EPS15: variants seen among roughly 807,000 people sequenced by gnomAD.
The protein encoded by EPS15 is epidermal growth factor receptor substrate 15.
In EPS15, 72 loss-of-function variants were observed where a neutral mutation model predicts 113.8. The observed-to-expected ratio is 0.63, with a 90% CI of 0.52 to 0.77. The LOEUF (loss-of-function observed/expected upper bound fraction) is 0.77, where lower values mean the gene tolerates loss of function less well. Ranked by LOEUF, EPS15 falls within the 30% of genes least tolerant of loss-of-function variation. The pLI, the probability that EPS15 is intolerant of heterozygous loss-of-function variation, is 0.00. For missense variants in EPS15, 1,048 were observed against 1,045.8 expected (o/e 1.00, Z -0.03); for synonymous variants, 344 against 363.4 (o/e 0.95, Z 0.61).
intron 13 of EPS15, among the ~76,000 whole-genome samples, chr1:51,412,125 C>G (rs866126668): frequency 7.2e-5 from 11 of 152,214 alleles, no homozygotes; most frequent in African/African-American, 2.7e-4. Context: ...CCAAACACCA[C>G]ATGTTCTCAC....
Position 51,366,003 on chromosome 1 carries a change from C to CA in EPS15, c.2145dup (p.Gly716TrpfsTer3). On this transcript the variant is annotated frameshift_variant, in exon 22 of 25. Coordinates refer to ENST00000371733, the MANE Select transcript of EPS15 (RefSeq NM_001981.3). LOFTEE classifies it high-confidence loss of function. ...AATCCACCTCCAAATGATTCATTCC[C>CA]AAAAACAGAAGCAAAGGGGTCTGTG... 1.2e-6 allele frequency: 2 copies of CA among 1,612,530 alleles called. No homozygotes were observed. Among genetic ancestry groups the CA allele is most frequent in the Non-Finnish European group, 1.7e-6 (2 of 1,179,148 alleles).
intron 13 of EPS15, among the ~76,000 whole-genome samples, chr1:51,418,042 G>C (rs953822773): frequency 1.3e-5 from 2 of 152,126 alleles, no homozygotes; most frequent in African/African-American, 4.8e-5. Flanking sequence ...TTAGATATTA[G>C]GCGATACAGG....
intron 1 of EPS15, among the ~76,000 whole-genome samples, chr1:51,486,041 A>T: frequency 6.6e-6 from 1 of 151,654 alleles, no homozygotes; most frequent in East Asian, 2.0e-4. Flanking sequence ...CAGGTGATCC[A>T]CCCACCTCAG....
chr1:51,389,240 C>T (rs1254043488), intron 21 of EPS15, among the ~76,000 whole-genome samples: 1 of 152,120 alleles, frequency 6.6e-6, no homozygotes, highest in African/African-American at 2.4e-5. Flanking sequence ...TCAATAGATG[C>T]AGAAAAGGCC....
chr1:51,468,839 T>C (rs575101987), intron 4 of EPS15, among the ~76,000 whole-genome samples: 17 of 152,066 alleles, frequency 1.1e-4, no homozygotes, highest in Non-Finnish European at 2.1e-4. Context: ...TTTAAAATAA[T>C]ACTTAGGGCC....
rs575734758 is a variant in EPS15, at chr1:51,469,298, G to A, written c.214-730C>T. On this transcript the variant is annotated intron_variant, in intron 4 of 24. Transcript: ENST00000371733. ...TGTGAGATTATAAATTTTGAAACTG[G>A]AACAGTAATTCAAATGACTTAATGA... Among the ~76,000 whole-genome samples, 6 of 152,096 alleles carry A rather than the reference G, an allele frequency of 3.9e-5. No individual in the cohort carries two copies. The South Asian group carries it at 1.0e-3, about 26-fold the overall frequency.
chr1:51,471,591 A>G (rs999653626), intron 4 of EPS15, 99 bp downstream of exon 4: 2 of 968,522 alleles, frequency 2.1e-6, no homozygotes, highest in African/African-American at 3.3e-5. Context: ...TAATGTTGGT[A>G]AAAACCAATT....
chr1:51,444,781 T>C (rs888990805), intron 11 of EPS15, 108 bp downstream of exon 11: 6 of 1,125,960 alleles, frequency 5.3e-6, no homozygotes, highest in Non-Finnish European at 7.7e-6. Context: ...GTTCTGCTCT[T>C]AGCCAGATAC....
intron 8 of EPS15, among the ~76,000 whole-genome samples, chr1:51,460,639 A>C (rs182182889): frequency 6.6e-6 from 1 of 152,020 alleles, no homozygotes; most frequent in African/African-American, 2.4e-5. Flanking sequence ...TGTTTAGAAA[A>C]TAAATATAAA....
chr1:51,498,888 G>A (rs537130326), intron 1 of EPS15, among the ~76,000 whole-genome samples: 112 of 152,220 alleles, frequency 7.4e-4, no homozygotes, highest in African/African-American at 2.6e-3. Context: ...TTAAGAGGTG[G>A]GGCCATTAAG....
At chr1:51,500,519 T>C (rs990411704) in intron 1 of EPS15, among the ~76,000 whole-genome samples, 5 of 152,128 alleles carry the variant, frequency 3.3e-5, no homozygotes, top group African/African-American at 1.2e-4. Flanking sequence ...TTGTGGTTTT[T>C]GTTTGTTTTG....
chr1:51,405,238 A>G (rs1648984475), intron 16 of EPS15, among the ~76,000 whole-genome samples: 1 of 152,176 alleles, frequency 6.6e-6, no homozygotes, highest in Non-Finnish European at 1.5e-5. Context: ...TAGCTCTTAT[A>G]TTATGTAATA....
At chr1:51,411,920 C>A (rs187990179) in intron 13 of EPS15, among the ~76,000 whole-genome samples, 1 of 152,272 alleles carries the variant, frequency 6.6e-6, no homozygotes, top group East Asian at 1.9e-4. Flanking sequence ...ATGTTTATTG[C>A]AGCACTATTC....
chr1:51,396,280 T>C (rs1242644984), intron 20 of EPS15, among the ~76,000 whole-genome samples: 3 of 152,234 alleles, frequency 2.0e-5, no homozygotes, highest in Non-Finnish European at 2.9e-5. Context: ...GTCACTGACA[T>C]AACAAGTCAC....
chr1:51,369,201 C>T (rs920941280), intron 21 of EPS15, among the ~76,000 whole-genome samples: 1 of 152,192 alleles, frequency 6.6e-6, no homozygotes, highest in South Asian at 2.1e-4. Flanking sequence ...TCTACACTTT[C>T]CTCATAAATG....
At chr1:51,434,271 T>C (rs1651961599) in intron 12 of EPS15, among the ~76,000 whole-genome samples, 1 of 152,172 alleles carries the variant, frequency 6.6e-6, no homozygotes, top group African/African-American at 2.4e-5. Context: ...TTATTCATAA[T>C]AGCTAAAATG....
intron 21 of EPS15, among the ~76,000 whole-genome samples, chr1:51,391,591 T>C (rs1211103064): frequency 3.3e-5 from 5 of 152,122 alleles, no homozygotes; most frequent in East Asian, 1.9e-4. Context: ...CCAAAGAACA[T>C]GGGTCTGTTG....
chr1:51,377,379 C>T (rs1015027003), intron 21 of EPS15, among the ~76,000 whole-genome samples: 3 of 152,186 alleles, frequency 2.0e-5, no homozygotes, highest in African/African-American at 7.2e-5. Flanking sequence ...GGATTCAAGA[C>T]TTCAGTGGAG....
chr1:51,433,301 A>G (rs1206423709), intron 12 of EPS15, among the ~76,000 whole-genome samples: 1 of 152,228 alleles, frequency 6.6e-6, no homozygotes, highest in Non-Finnish European at 1.5e-5. Context: ...GGGGATGATG[A>G]TGATAAATAC....
Sources: allele counts gnomAD v4.1 joint callset (sites outside exome capture counted in the v4.1 genomes callset), GRCh38; gene constraint gnomAD v4.1.1; transcripts MANE v1.5; gene names NCBI Gene and HGNC (gene_info 2026-07-23, HGNC 2026-07-21).